The following UCN3 variants were observed in gnomAD, a reference collection of about 807,000 sequenced individuals.
UCN3 encodes the protein urocortin 3.
Under a neutral mutation model 3.6 loss-of-function variants are expected in UCN3, and 3 were observed. The ratio of observed to expected loss-of-function variants is 0.83; its 90% CI spans 0.38 to 2.15. The LOEUF (loss-of-function observed/expected upper bound fraction) is 2.15. Among genes scored for constraint, UCN3 ranks in the 30% most tolerant of loss-of-function variants. The pLI, the probability that UCN3 is intolerant of heterozygous loss-of-function variation, is 0.06. For synonymous variants in UCN3, 100 were observed against 93.2 expected (o/e 1.07, Z -0.42); for missense variants, 206 against 208.3 (o/e 0.99, Z 0.07).
rs782575272 is a variant in UCN3, at chr10:5,367,411, G to T, written c.-7+2181G>T. On this transcript the variant is annotated intron_variant, in intron 1 of 1. Coordinates refer to ENST00000380433, the MANE Select transcript of UCN3 (RefSeq NM_053049.4). This position sits in a 1 kb window ranked among gnomAD's most constrained non-coding sequence, Gnocchi z 4.3. ...ACATCCATGAAAGAATTTAAAAGAG[G>T]TTGTTTTGCTTTGGAAAATAAATTG... 2.0e-5 allele frequency among the ~76,000 whole-genome samples: 3 copies of T among 152,198 alleles called. No individual in the cohort carries two copies. The highest frequency in any genetic ancestry group is 4.8e-5 in the African/African-American group (2 of 41,440).
intron 1 of UCN3, among the ~76,000 whole-genome samples, chr10:5,369,927 G>GTC (rs1831322336): frequency 1.6e-5 from 1 of 61,986 alleles, no homozygotes; most frequent in Non-Finnish European, 3.0e-5. Context: ...GTGTGTGTAT[G>GTC]TGTGTGTGTG....
At position 5,370,918 on chromosome 10, in the gene UCN3, TGC is replaced by T. The variant is rs1342600261; in HGVS notation, c.-6-2795_-6-2794del. On this transcript the variant is annotated intron_variant, in intron 1 of 1. Coordinates refer to ENST00000380433, the MANE Select transcript of UCN3 (RefSeq NM_053049.4). ...ATGCGTGTGTATATGCGTGTGTATA[TGC>T]GTGTGTATATGTGTGTTCATGTGTA... 1.0e-4 allele frequency among the ~76,000 whole-genome samples: 15 copies of T among 143,408 alleles called. No individual in the cohort carries two copies. The South Asian group carries it at 1.8e-3, about 17-fold the overall frequency. The allele number at this position is 143,408 out of a possible 152,430, so 94.1% of individuals were successfully genotyped here.
At chr10:5,370,307 A>G (rs1214582839) in intron 1 of UCN3, among the ~76,000 whole-genome samples, 11 of 25,588 alleles carry the variant, frequency 4.3e-4, no homozygotes, top group Non-Finnish European at 5.6e-4. Context: ...GCGTGTGTAT[A>G]TGCGTGTATG....
intron 1 of UCN3, among the ~76,000 whole-genome samples, chr10:5,369,927 G>GTGTGTGTGTGTATA (rs1831322458): frequency 3.2e-5 from 2 of 62,022 alleles, no homozygotes; most frequent in African/African-American, 1.3e-4. Flanking sequence ...GTGTGTGTAT[G>GTGTGTGTGTGTATA]TGTGTGTGTG....
At chr10:5,370,350 T>TATG (rs1831357487) in intron 1 of UCN3, among the ~76,000 whole-genome samples, 2 of 52,686 alleles carry the variant, frequency 3.8e-5, no homozygotes, top group East Asian at 3.9e-4. Context: ...TGCGTGTGTA[T>TATG]ATGTGTGTGT....
chr10:5,370,046 C>T (rs797042721), intron 1 of UCN3, among the ~76,000 whole-genome samples: 162 of 10,802 alleles, frequency 0.015, 4 homozygotes, highest in African/African-American at 0.027. Flanking sequence ...TGTGTATATG[C>T]GTGTGTATGT....
At position 5,367,603 on chromosome 10, in the gene UCN3, T is replaced by C. The variant is rs1393176598; in HGVS notation, c.-7+2373T>C. Among the ~76,000 whole-genome samples, 1 of 152,206 alleles carries C rather than the reference T, an allele frequency of 6.6e-6. No individual in the cohort carries two copies. Among genetic ancestry groups the C allele is most frequent in the Non-Finnish European group, 1.5e-5 (1 of 68,030 alleles). On this transcript the variant is annotated intron_variant, in intron 1 of 1. Coordinates refer to ENST00000380433, the MANE Select transcript of UCN3 (RefSeq NM_053049.4). This position sits in a 1 kb window ranked among gnomAD's most constrained non-coding sequence, Gnocchi z 4.3. ...CAGAGGGATAGTGAAAGGCTTGGCA[T>C]ATTTAGCAGAAATGGAGACACCAAA... is the stretch of plus-strand genomic sequence containing the variant.
In UCN3 at chr10:5,366,673, G is replaced by A. The variant is rs1446224718; in HGVS notation, c.-7+1443G>A. 6.6e-6 allele frequency among the ~76,000 whole-genome samples: 1 copy of A among 152,184 alleles called. No homozygotes were observed. Among genetic ancestry groups the A allele is most frequent in the African/African-American group, 2.4e-5 (1 of 41,430 alleles). On this transcript the variant is annotated intron_variant, in intron 1 of 1. Transcript: ENST00000380433. This position sits in a 1 kb window ranked among gnomAD's most constrained non-coding sequence, Gnocchi z 4.2. ...TTTGATGGTGAAACCATCCAGGGTTGCAAAGAACCCTTACATTTTAAACGA... is the reference window on the plus strand; with the variant it reads ...TTTGATGGTGAAACCATCCAGGGTTACAAAGAACCCTTACATTTTAAACGA...
rs1564443700 is a variant in UCN3, at chr10:5,370,863, G to GTATA, written c.-6-2851_-6-2850insATAT. The stretch of plus-strand genomic sequence containing the variant: ...CGCGTGTGTGTGCGCGTGTGTGTGC[G>GTATA]TGTGTATGTGTGTGTATATGCGTGT... On this transcript the variant is annotated intron_variant, in intron 1 of 1. Transcript: ENST00000380433. Among the ~76,000 whole-genome samples the GTATA allele has an allele frequency of 5.1e-4, 58 of 113,118 alleles. 1 individual carries two copies. The highest frequency in any genetic ancestry group is 2.9e-3 in the South Asian group (8 of 2,764). The allele number at this position is 113,118 out of a possible 152,430, so 74.2% of individuals were successfully genotyped here. A position where few individuals can be genotyped will look rare whatever the true frequency, so the allele number is the denominator to read the frequency against.
At chr10:5,369,885 A>ATGTGTG (rs1831318157) in intron 1 of UCN3, among the ~76,000 whole-genome samples, 2 of 105,442 alleles carry the variant, frequency 1.9e-5, no homozygotes, top group African/African-American at 8.9e-5. Flanking sequence ...ATGTGTGTGT[A>ATGTGTG]TATGTGTGTG....
chr10:5,374,351 T>A lies in UCN3; in HGVS notation c.*145T>A, dbSNP rs1831475538. On this transcript the variant is annotated 3_prime_UTR_variant, in exon 2 of 2. Coordinates refer to ENST00000380433, the MANE Select transcript of UCN3 (RefSeq NM_053049.4). The stretch of plus-strand genomic sequence containing the variant: ...TCAGTTTTACAGGTTGCTGCACTGC[T>A]GAGCCCCTCTGATCTCTTCTGGCCT... 1 of 759,630 alleles carries A rather than the reference T, an allele frequency of 1.3e-6. No homozygotes were observed. The highest frequency in any genetic ancestry group is 2.7e-5 in the East Asian group (1 of 36,668). The allele number at this position is 759,630 out of a possible 1,614,324, so 47.1% of individuals were successfully genotyped here. A position where few individuals can be genotyped will look rare whatever the true frequency, so the allele number is the denominator to read the frequency against.
At chr10:5,370,175 A>G (rs146631955) in intron 1 of UCN3, among the ~76,000 whole-genome samples, 8 of 48,756 alleles carry the variant, frequency 1.6e-4, no homozygotes, top group African/African-American at 2.5e-4. Flanking sequence ...ATGTGTGTGT[A>G]TATGCGTGTG....
At chr10:5,370,435 A>G (rs1398449928) in intron 1 of UCN3, among the ~76,000 whole-genome samples, 17 of 57,214 alleles carry the variant, frequency 3.0e-4, no homozygotes, top group East Asian at 8.7e-4. Context: ...GCGTGTGTAT[A>G]TGCGTGTGTA....
Position 5,370,166 on chromosome 10 carries a change from T to TGC in UCN3, c.-6-3548_-6-3547insCG, listed in dbSNP as rs1831343376. On this transcript the variant is annotated intron_variant, in intron 1 of 1. Transcript: ENST00000380433. The stretch of plus-strand genomic sequence containing the variant: ...ATGCGTGTGTATATGTGTGTGTATA[T>TGC]GTGTGTGTATATGCGTGTGTATATG... Among the ~76,000 whole-genome samples the TGC allele has an allele frequency of 3.7e-4, 36 of 96,588 alleles. 10 individuals carry two copies. The highest frequency in any genetic ancestry group is 1.8e-3 in the African/African-American group (30 of 16,800). 63.4% of individuals were successfully genotyped at this position (96,588 alleles called of 152,430 possible).
intron 1 of UCN3, among the ~76,000 whole-genome samples, chr10:5,368,806 T>G (rs1831291347): frequency 6.6e-6 from 1 of 152,150 alleles, no homozygotes; most frequent in Admixed American, 6.5e-5. Context: ...GTCTGCCTAT[T>G]GAATGCAACA....
At position 5,370,165 on chromosome 10, in the gene UCN3, A is replaced by ATGCGTGTGTATATGCGTGTGTATG. The variant is rs1564442449; in HGVS notation, c.-6-3548_-6-3547insCGTGTGTATATGCGTGTGTATGTG. Among the ~76,000 whole-genome samples, 134 of 33,708 alleles carry ATGCGTGTGTATATGCGTGTGTATG rather than the reference A, an allele frequency of 4.0e-3. 32 individuals carry two copies. The highest frequency in any genetic ancestry group is 5.3e-3 in the Non-Finnish European group (107 of 20,052). The allele number at this position is 33,708 out of a possible 152,430, so 22.1% of individuals were successfully genotyped here. Reference sequence around the variant, plus strand: ...TATGCGTGTGTATATGTGTGTGTATATGTGTGTGTATATGCGTGTGTATAT... The same window carrying ATGCGTGTGTATATGCGTGTGTATG: ...TATGCGTGTGTATATGTGTGTGTATATGCGTGTGTATATGCGTGTGTATGTGTGTGTGTATATGCGTGTGTATAT... On this transcript the variant is annotated intron_variant, in intron 1 of 1. Coordinates refer to ENST00000380433, the MANE Select transcript of UCN3 (RefSeq NM_053049.4).
intron 1 of UCN3, among the ~76,000 whole-genome samples, chr10:5,371,353 T>G (rs75237606): frequency 0.022 from 3,287 of 148,884 alleles, 153 homozygotes; most frequent in East Asian, 0.088. Flanking sequence ...TGTGTGCATG[T>G]ATATATGTGT....
At chr10:5,370,687 ATGTGTGTATATG>A (rs1478747718) in intron 1 of UCN3, among the ~76,000 whole-genome samples, 1,058 of 40,060 alleles carry the variant, frequency 0.026, 60 homozygotes, top group African/African-American at 0.07. Context: ...GTGTGTGTGT[ATGTGTGTATATG>A]TGTGTGTATA....
intron 1 of UCN3, among the ~76,000 whole-genome samples, chr10:5,369,997 G>GTGTGTGTA (rs1831328413): frequency 2.2e-5 from 1 of 44,776 alleles, no homozygotes; most frequent in African/African-American, 6.8e-5. Context: ...ATGTGTGTAT[G>GTGTGTGTA]TGTGTGTGTA....
Sources: gnomAD v4.1 joint callset for allele counts (sites outside exome capture counted in the v4.1 genomes callset) on GRCh38, gnomAD v4.1.1 for gene constraint, Gnocchi (gnomAD v3.1) non-coding constraint, MANE v1.5 for transcripts, NCBI Gene and HGNC (gene_info 2026-07-23, HGNC 2026-07-21) for gene names.